SLC7A7: variants seen among roughly 807,000 people sequenced by gnomAD.
The protein encoded by SLC7A7 is solute carrier family 7 member 7, also known as Y+L amino acid transporter 1.
In SLC7A7, 39 loss-of-function variants were observed where a neutral mutation model predicts 47.9. The ratio of observed to expected loss-of-function variants is 0.81; its 90% CI spans 0.63 to 1.06. The LOEUF (loss-of-function observed/expected upper bound fraction) is 1.06, where lower values mean the gene tolerates loss of function less well. SLC7A7 is among the 50% of genes least tolerant of loss of function. The probability of loss-of-function intolerance (pLI) is 0.00; values close to 1 mark genes in which losing one functional copy is unlikely to be tolerated. For missense variants in SLC7A7, 588 were observed against 632.0 expected (o/e 0.93, Z 0.75); for synonymous variants, 234 against 242.8 (o/e 0.96, Z 0.34).
At chr14:22,813,516 G>A in intron 1 of SLC7A7, 76 bp from the exon 2 acceptor site, 2 of 1,307,386 alleles carry the variant, frequency 1.5e-6, no homozygotes, top group Admixed American at 3.8e-5. Flanking sequence ...TCCAACACAG[G>A]GTAATACGGG....
At chr14:22,792,686 G>A (rs1032506063) in intron 2 of SLC7A7, among the ~76,000 whole-genome samples, 4 of 151,854 alleles carry the variant, frequency 2.6e-5, no homozygotes, top group African/African-American at 7.2e-5. Context: ...GCAAAACCCC[G>A]TCTCTACTAA....
intron 3 of SLC7A7, 117 bp from the exon 4 acceptor site, chr14:22,779,054 C>A: frequency 7.9e-7 from 1 of 1,267,344 alleles, no homozygotes; most frequent in Non-Finnish European, 1.1e-6. Flanking sequence ...TGGCCTACAA[C>A]ACCTTTGGCA....
In SLC7A7 at chr14:22,780,057, A is replaced by C; in HGVS notation, c.500-6T>G. On this transcript the variant is annotated splice_region_variant and splice_polypyrimidine_tract_variant and intron_variant, in intron 2 of 9. Transcript: ENST00000674313. ...GTTAATGAAGGTTAAGAGACCTGAA[A>C]GAAAAATAATACTGATTGGTGACTT... The C allele has an allele frequency of 6.2e-7, 1 of 1,613,978 alleles. No individual in the cohort carries two copies. The highest frequency in any genetic ancestry group is 8.5e-7 in the Non-Finnish European group (1 of 1,179,910).
intron 2 of SLC7A7, among the ~76,000 whole-genome samples, chr14:22,787,890 A>T (rs1490356065): frequency 6.6e-6 from 1 of 151,786 alleles, no homozygotes; most frequent in Non-Finnish European, 1.5e-5. Flanking sequence ...TGGCTAACAC[A>T]ATGAAACCCC....
At chr14:22,795,422 C>G (rs1318448981) in intron 2 of SLC7A7, among the ~76,000 whole-genome samples, 6 of 141,656 alleles carry the variant, frequency 4.2e-5, no homozygotes, top group Non-Finnish European at 9.0e-5. Context: ...TTCTTTCTTT[C>G]TTTCTTTCTT....
upstream of SLC7A7, chr14:22,815,518 G>A (rs999637838): frequency 6.6e-6 from 3 of 454,166 alleles, no homozygotes; most frequent in African/African-American, 6.0e-5. Flanking sequence ...GAGGGAGGGG[G>A]AAAGGAGTAT....
chr14:22,794,298 A>G (rs1265997951), intron 2 of SLC7A7, among the ~76,000 whole-genome samples: 1 of 152,098 alleles, frequency 6.6e-6, no homozygotes, highest in African/African-American at 2.4e-5. Context: ...ACCAAATGCA[A>G]TCCCTGTGGG....
chr14:22,788,209 T>A (rs2038855096), intron 2 of SLC7A7, among the ~76,000 whole-genome samples: 1 of 152,228 alleles, frequency 6.6e-6, no homozygotes, highest in Non-Finnish European at 1.5e-5. Context: ...TTTTATCTAG[T>A]CTACCTTGTC....
chr14:22,807,592 C>T (rs987044893), intron 2 of SLC7A7, among the ~76,000 whole-genome samples: 3 of 152,044 alleles, frequency 2.0e-5, no homozygotes, highest in Non-Finnish European at 4.4e-5. Flanking sequence ...TAAACAATAG[C>T]TTCCCCTTAT....
chr14:22,785,219 A>G (rs1241812806), intron 2 of SLC7A7, among the ~76,000 whole-genome samples: 1 of 152,102 alleles, frequency 6.6e-6, no homozygotes, highest in East Asian at 1.9e-4. Flanking sequence ...CAGAAATTGC[A>G]GTGAGCCAAG....
At chr14:22,802,770 T>A (rs1428359363) in intron 2 of SLC7A7, among the ~76,000 whole-genome samples, 2 of 152,146 alleles carry the variant, frequency 1.3e-5, no homozygotes, top group Non-Finnish European at 2.9e-5. Context: ...ATCACTCCCC[T>A]GTTTAAAGTC....
At chr14:22,794,360 T>C (rs563351865) in intron 2 of SLC7A7, among the ~76,000 whole-genome samples, 95 of 152,310 alleles carry the variant, frequency 6.2e-4, no homozygotes, top group African/African-American at 2.1e-3. Context: ...GTCAGCACTT[T>C]GGTCCCTGTG....
rs142739200 is a variant in SLC7A7, at chr14:22,773,956, G to T, written c.1406C>A (p.Pro469Gln). The T allele has an allele frequency of 6.2e-7, 1 of 1,614,150 alleles. No homozygotes were observed. The highest frequency in any genetic ancestry group is 1.3e-5 in the African/African-American group (1 of 75,058). The change falls in exon 9 of 10, where the codon CCG becomes CAG. Residue 469 changes from proline (P) to glutamine (Q), a missense_variant. Transcript: ENST00000674313. ...LIIRVPEHKR[P>Q]LYLRRIVGSA... ...ACCCACGATCCTTCGGAGGTAAAGC[G>T]GTCGCTTATGTTCTGGCACTCTGAT...
intron 2 of SLC7A7, among the ~76,000 whole-genome samples, chr14:22,795,431 TTTC>T (rs2039002453): frequency 7.6e-6 from 1 of 131,026 alleles, no homozygotes; most frequent in African/African-American, 2.9e-5. Flanking sequence ...TCTTTCTTTC[TTTC>T]TTTCTTTCTT....
intron 2 of SLC7A7, among the ~76,000 whole-genome samples, chr14:22,788,272 A>C (rs1566448919): frequency 1.3e-5 from 2 of 152,128 alleles, no homozygotes; most frequent in African/African-American, 4.8e-5. Flanking sequence ...CTGCATACAC[A>C]TGCCTCTGCT....
rs1412288992 is a variant in SLC7A7, at chr14:22,815,388, C to T, written c.-111G>A. 2 of 454,518 alleles carry T rather than the reference C, an allele frequency of 4.4e-6. No individual in the cohort carries two copies. The highest frequency in any genetic ancestry group is 4.7e-5 in the Admixed American group (2 of 42,574). 28.2% of individuals were successfully genotyped at this position (454,518 alleles called of 1,614,324 possible). ...AGCAGTCAGGGAGAGAAGTGCCTTC[C>T]AGGATCTGTGGTCTGATGCTCCTCC... On this transcript the variant is annotated 5_prime_UTR_variant, in exon 1 of 10. Coordinates refer to ENST00000674313, the MANE Select transcript of SLC7A7 (RefSeq NM_003982.4).
At chr14:22,792,726 G>A (rs560244668) in intron 2 of SLC7A7, among the ~76,000 whole-genome samples, 52 of 151,420 alleles carry the variant, frequency 3.4e-4, no homozygotes, top group African/African-American at 1.1e-3. Context: ...CCGTGGTGGC[G>A]CACGCCTGTA....
At chr14:22,794,740 G>C (rs1217267525) in intron 2 of SLC7A7, among the ~76,000 whole-genome samples, 1 of 152,066 alleles carries the variant, frequency 6.6e-6, no homozygotes, top group African/African-American at 2.4e-5. Flanking sequence ...CTAACTCAAG[G>C]CTCCTCTATC....
chr14:22,788,236 G>A (rs2038855482), intron 2 of SLC7A7, among the ~76,000 whole-genome samples: 1 of 152,064 alleles, frequency 6.6e-6, no homozygotes, highest in Admixed American at 6.6e-5. Context: ...AATATCATGA[G>A]AATTTGCCAC....
Sources: gnomAD v4.1 joint callset for allele counts (sites outside exome capture counted in the v4.1 genomes callset) on GRCh38, gnomAD v4.1.1 for gene constraint, MANE v1.5 for transcripts, NCBI Gene and HGNC (gene_info 2026-07-23, HGNC 2026-07-21) for gene names.